The following HECW1 variants were observed in gnomAD, a reference collection of about 807,000 sequenced individuals.
HECW1 encodes the protein E3 ubiquitin-protein ligase HECW1.
Under a neutral mutation model 182.3 loss-of-function variants are expected in HECW1, and 61 were observed. That is an observed-to-expected ratio of 0.33 (90% CI 0.27 to 0.41). The LOEUF is 0.41. Among genes scored for constraint, HECW1 ranks in the 10% least tolerant of loss-of-function variants. The pLI is 1.00. For missense variants in HECW1, 1,739 were observed against 2,108.9 expected, an observed-to-expected ratio of 0.82 and a Z score of 3.44; for synonymous variants, 859 against 832.6, an observed-to-expected ratio of 1.03 and a Z score of -0.55.
At chr7:43,137,722 G>A (rs1268317314) in intron 2 of HECW1, among the ~76,000 whole-genome samples, 3 of 151,818 alleles carry the variant, frequency 2.0e-5, no homozygotes, top group African/African-American at 7.3e-5. Flanking sequence ...GCTAATTTTT[G>A]TATTTTTAGT....
chr7:43,488,406 A>G (rs1270519429), intron 17 of HECW1, among the ~76,000 whole-genome samples: 72 of 120,380 alleles, frequency 6.0e-4, no homozygotes, highest in African/African-American at 1.4e-3. Flanking sequence ...AAGGAAATGA[A>G]AGAAAGAGAG....
chr7:43,311,691 G>A, intron 3 of HECW1, 72 bp from the exon 4 acceptor site: 7 of 1,421,042 alleles, frequency 4.9e-6, no homozygotes, highest in Non-Finnish European at 6.9e-6. Flanking sequence ...CACATCTTTC[G>A]TTTTCGTGTG....
At position 43,563,031 on chromosome 7, in the gene HECW1, A is replaced by G. The variant is rs768767572; in HGVS notation, c.*1105A>G. Reference sequence around the variant, plus strand: ...ATTTTTTTTTCCTTTTCCTTTCTTAATCATGGAGTTCAAGTTCCTTTGCAT... The same window carrying G: ...ATTTTTTTTTCCTTTTCCTTTCTTAGTCATGGAGTTCAAGTTCCTTTGCAT... On this transcript the variant is annotated 3_prime_UTR_variant, in exon 30 of 30. Transcript: ENST00000395891. 5.0e-6 allele frequency: 1 copy of G among 200,830 alleles called. No individual in the cohort carries two copies. The highest frequency in any genetic ancestry group is 1.9e-4 in the South Asian group (1 of 5,218). 12.4% of individuals were successfully genotyped at this position (200,830 alleles called of 1,614,324 possible).
intron 3 of HECW1, among the ~76,000 whole-genome samples, chr7:43,276,309 G>A (rs1301760964): frequency 1.3e-5 from 2 of 152,102 alleles, no homozygotes; most frequent in Non-Finnish European, 2.9e-5. Context: ...TTTGTGTGTG[G>A]GGGTCCCCTG....
chr7:43,477,857 ATTTCT>A (rs1460189467), intron 16 of HECW1, among the ~76,000 whole-genome samples: 2 of 152,192 alleles, frequency 1.3e-5, no homozygotes, highest in African/African-American at 4.8e-5. Flanking sequence ...TCTGTATAAA[ATTTCT>A]TTTAACTACT....
intron 24 of HECW1, among the ~76,000 whole-genome samples, chr7:43,539,263 T>C (rs914580868): frequency 3.3e-5 from 5 of 152,222 alleles, no homozygotes; most frequent in African/African-American, 1.2e-4. Context: ...GTGTTTATGG[T>C]AGCTCACAAT....
chr7:43,440,864 A>G lies in HECW1; in HGVS notation c.945-1665A>G, dbSNP rs113274595. The stretch of plus-strand genomic sequence containing the variant: ...AACTCCAAACACTAAATCATGGCTT[A>G]TCAAAGAACAATTTTTAAGTCGGGG... On this transcript the variant is annotated intron_variant, in intron 9 of 29. Coordinates refer to ENST00000395891, the MANE Select transcript of HECW1 (RefSeq NM_015052.5). Among the ~76,000 whole-genome samples the G allele has an allele frequency of 5.7e-3, 671 of 116,708 alleles. 4 individuals carry two copies. The highest frequency in any genetic ancestry group is 0.019 in the African/African-American group (647 of 33,460). The allele number at this position is 116,708 out of a possible 152,430, so 76.6% of individuals were successfully genotyped here. A position where few individuals can be genotyped will look rare whatever the true frequency, so the allele number is the denominator to read the frequency against.
chr7:43,563,590 C>T lies in HECW1; in HGVS notation c.*1664C>T, dbSNP rs1442155940. On this transcript the variant is annotated 3_prime_UTR_variant, in exon 30 of 30. Coordinates refer to ENST00000395891, the MANE Select transcript of HECW1 (RefSeq NM_015052.5). ...TTCCTACACTCTAAAGCATTCCGGC[C>T]AGGAGCGGTGGCTCATGCCTGTAAT... 2 of 187,350 alleles carry T rather than the reference C, an allele frequency of 1.1e-5. No individual in the cohort carries two copies. Among genetic ancestry groups the T allele is most frequent in the Non-Finnish European group, 1.1e-5 (1 of 89,052 alleles). 11.6% of individuals were successfully genotyped at this position (187,350 alleles called of 1,614,324 possible). A position where few individuals can be genotyped will look rare whatever the true frequency, so the allele number is the denominator to read the frequency against.
At chr7:43,244,686 T>C (rs926287391) in intron 3 of HECW1, among the ~76,000 whole-genome samples, 4 of 152,144 alleles carry the variant, frequency 2.6e-5, no homozygotes, top group Non-Finnish European at 2.9e-5. Context: ...CTGAGGAGCA[T>C]TGATTCCCAC....
chr7:43,198,898 G>A (rs1015024846), intron 2 of HECW1, among the ~76,000 whole-genome samples: 2 of 152,194 alleles, frequency 1.3e-5, no homozygotes, highest in East Asian at 1.9e-4. Flanking sequence ...CCTCTCCAGC[G>A]TTCTCATCAT....
chr7:43,442,125 G>T (rs1034703940), intron 9 of HECW1, among the ~76,000 whole-genome samples: 1 of 152,240 alleles, frequency 6.6e-6, no homozygotes, highest in Non-Finnish European at 1.5e-5. Context: ...GTACTCTACA[G>T]TAGACTGTAT....
intron 24 of HECW1, among the ~76,000 whole-genome samples, chr7:43,512,976 A>G (rs190020834): frequency 2.1e-4 from 32 of 152,070 alleles, no homozygotes; most frequent in African/African-American, 7.2e-4. Flanking sequence ...CCTCTTACAC[A>G]TTTTCTGAGT....
rs1017884980 is a variant in HECW1, at chr7:43,525,962, G to A, written c.4020-15201G>A. On this transcript the variant is annotated intron_variant, in intron 24 of 29. Transcript: ENST00000395891. The stretch of plus-strand genomic sequence containing the variant: ...TTTCTCTTTATAGTCTAATTTTAAA[G>A]AGTATCAATAAATTCTATTATCTAA... Among the ~76,000 whole-genome samples, 8 of 152,280 alleles carry A rather than the reference G, an allele frequency of 5.3e-5. No homozygotes were observed. In the East Asian group the frequency reaches 7.7e-4, roughly 15 times the overall value.
chr7:43,375,183 T>C (rs1364394133), intron 6 of HECW1, among the ~76,000 whole-genome samples: 1 of 152,132 alleles, frequency 6.6e-6, no homozygotes, highest in Non-Finnish European at 1.5e-5. Flanking sequence ...TGAAGAATGC[T>C]ATAAACAAAC....
Position 43,483,901 on chromosome 7 carries a change from G to A in HECW1, c.3234+4157G>A, listed in dbSNP as rs191690596. On this transcript the variant is annotated intron_variant, in intron 17 of 29. Transcript: ENST00000395891. ...ATGAAAGCCAAGAAGAGGAAGGGCT[G>A]TGGCAAAGAGCTATTCGAGAGAGGC... Among the ~76,000 whole-genome samples, 354 of 152,234 alleles carry A rather than the reference G, an allele frequency of 2.3e-3. 1 individual carries two copies. The highest frequency in any genetic ancestry group is 4.2e-3 in the Non-Finnish European group (289 of 68,020).
At chr7:43,239,465 A>C (rs1798676895) in intron 2 of HECW1, among the ~76,000 whole-genome samples, 1 of 152,152 alleles carries the variant, frequency 6.6e-6, no homozygotes, top group South Asian at 2.1e-4. Flanking sequence ...TAGATGGCGC[A>C]CACTGTGCTA....
intron 2 of HECW1, among the ~76,000 whole-genome samples, chr7:43,179,673 T>C (rs969190266): frequency 1.4e-4 from 21 of 152,202 alleles, no homozygotes; most frequent in African/African-American, 5.1e-4. Flanking sequence ...GTTTTAAATA[T>C]ATTTAGTATT....
chr7:43,326,725 A>G (rs1414634955), intron 5 of HECW1, among the ~76,000 whole-genome samples: 2 of 152,234 alleles, frequency 1.3e-5, no homozygotes, highest in Non-Finnish European at 2.9e-5. Context: ...TGAGACATGA[A>G]TGGCTTTATG....
At chr7:43,506,634 T>C (rs2079585484) in intron 21 of HECW1, among the ~76,000 whole-genome samples, 1 of 152,222 alleles carries the variant, frequency 6.6e-6, no homozygotes, top group African/African-American at 2.4e-5. Context: ...GTGTATTTGT[T>C]CTTCCACAGA....
Sources: gnomAD v4.1 joint callset for allele counts (sites outside exome capture counted in the v4.1 genomes callset) on GRCh38, gnomAD v4.1.1 for gene constraint, MANE v1.5 for transcripts, NCBI Gene and HGNC (gene_info 2026-07-23, HGNC 2026-07-21) for gene names.